Variants in STXBP5 observed in about 807,000 individuals in gnomAD.
STXBP5 encodes syntaxin-binding protein 5.
A neutral mutation model predicts 152.4 loss-of-function variants in STXBP5; 50 were observed. The ratio of observed to expected loss-of-function variants is 0.33; its 90% CI spans 0.26 to 0.42. The LOEUF is 0.42. STXBP5 is among the 10% of genes least tolerant of loss of function. The pLI is 1.00. For missense variants in STXBP5, 1,167 were observed against 1,388.6 expected (o/e 0.84, Z 2.54); for synonymous variants, 492 against 494.7 (o/e 0.99, Z 0.07).
intron 26 of STXBP5, among the ~76,000 whole-genome samples, chr6:147,378,815 T>C (rs1181354381): frequency 6.6e-6 from 1 of 152,190 alleles, no homozygotes; most frequent in African/African-American, 2.4e-5. Flanking sequence ...TAAATTACTA[T>C]TTGTGTAGTT....
At chr6:147,328,496 G>T (rs1465131194) in intron 18 of STXBP5, among the ~76,000 whole-genome samples, 1 of 152,152 alleles carries the variant, frequency 6.6e-6, no homozygotes. Context: ...TACAATTCAT[G>T]GGGGGTAGAA....
chr6:147,352,853 C>A (rs1436147085), intron 21 of STXBP5, among the ~76,000 whole-genome samples: 2 of 152,096 alleles, frequency 1.3e-5, no homozygotes, highest in Non-Finnish European at 2.9e-5. Flanking sequence ...AAAGATATTA[C>A]ATCAAGTAAG....
At chr6:147,302,916 A>C (rs1469951100) in intron 9 of STXBP5, among the ~76,000 whole-genome samples, 2 of 152,126 alleles carry the variant, frequency 1.3e-5, no homozygotes, top group African/African-American at 2.4e-5. Flanking sequence ...TATAGGAGTG[A>C]GTATGCTTTC....
chr6:147,364,046 T>C lies in STXBP5; in HGVS notation c.2961T>C (p.Leu987=). The C allele has an allele frequency of 6.2e-7, 1 of 1,614,048 alleles. No homozygotes were observed. Among genetic ancestry groups the C allele is most frequent in the Non-Finnish European group, 8.5e-7 (1 of 1,179,984 alleles). Reference sequence around the variant, plus strand: ...TGTTGGATGTGTATTACTTGCCCCTTACCAATATGCGGATAGCCAGAACGT... The same window carrying C: ...TGTTGGATGTGTATTACTTGCCCCTCACCAATATGCGGATAGCCAGAACGT... ...RPLLDVYYLP[L]TNMRIARTFC... Residue 987 remains leucine, a synonymous_variant, in exon 25 of 28, where the codon CTT becomes CTC. Coordinates refer to ENST00000321680, the MANE Select transcript of STXBP5 (RefSeq NM_001127715.4).
intron 8 of STXBP5, 62 bp downstream of exon 8, chr6:147,278,266 AG>A (rs1780540865): frequency 7.0e-7 from 1 of 1,424,172 alleles, no homozygotes; most frequent in African/African-American, 1.4e-5. Flanking sequence ...GTTTTGTTTG[AG>A]TTTGCATTCT....
intron 15 of STXBP5, 91 bp from the exon 16 acceptor site, chr6:147,316,138 T>G (rs1359284453): frequency 3.0e-5 from 37 of 1,233,258 alleles, no homozygotes; most frequent in Non-Finnish European, 4.2e-5. Flanking sequence ...CCACTGAAGT[T>G]TATGTAAAGT....
At chr6:147,272,006 T>C (rs1478894551) in intron 7 of STXBP5, among the ~76,000 whole-genome samples, 1 of 152,088 alleles carries the variant, frequency 6.6e-6, no homozygotes, top group Admixed American at 6.5e-5. Flanking sequence ...AATCCAGCAA[T>C]TTAGATGAAA....
At position 147,347,783 on chromosome 6, in the gene STXBP5, GTTCC is replaced by G. The variant is rs1784403568; in HGVS notation, c.2255-5537_2255-5534del. On this transcript the variant is annotated intron_variant, in intron 21 of 27. Transcript: ENST00000321680. ...ATAAAAAAAAGTTTGAAATATAGTA[GTTCC>G]TTTAGCTTCACTTTAGTTAGATGTA... is the stretch of plus-strand genomic sequence containing the variant. 2.0e-5 allele frequency among the ~76,000 whole-genome samples: 3 copies of G among 152,224 alleles called. No homozygotes were observed. In the South Asian group the frequency reaches 6.2e-4, roughly 32 times the overall value.
intron 4 of STXBP5, among the ~76,000 whole-genome samples, chr6:147,244,302 G>A (rs148104176): frequency 3.7e-4 from 56 of 152,258 alleles, no homozygotes; most frequent in African/African-American, 1.3e-3. Flanking sequence ...CTTGATTACT[G>A]TAGTTTTGTA....
chr6:147,230,172 A>G (rs1188752779), intron 2 of STXBP5, among the ~76,000 whole-genome samples: 1 of 151,830 alleles, frequency 6.6e-6, no homozygotes, highest in African/African-American at 2.4e-5. Context: ...ATACTTTTTA[A>G]AGATGATTGT....
At chr6:147,301,832 G>C (rs1781835168) in intron 9 of STXBP5, among the ~76,000 whole-genome samples, 1 of 152,128 alleles carries the variant, frequency 6.6e-6, no homozygotes. Flanking sequence ...GAGCAATCAA[G>C]CCAGCTCACA....
chr6:147,326,501 C>A (rs138262402), intron 17 of STXBP5, among the ~76,000 whole-genome samples: 163 of 152,310 alleles, frequency 1.1e-3, no homozygotes, highest in Middle Eastern at 3.4e-3. Flanking sequence ...GCCATACAAT[C>A]TTAAGTAACC....
intron 7 of STXBP5, among the ~76,000 whole-genome samples, chr6:147,267,933 T>C (rs550265244): frequency 1.3e-5 from 2 of 152,310 alleles, no homozygotes; most frequent in South Asian, 2.1e-4. Flanking sequence ...TCTCTACTTA[T>C]TATGTAGGTC....
intron 9 of STXBP5, among the ~76,000 whole-genome samples, chr6:147,300,860 AAG>A (rs1456275758): frequency 6.6e-6 from 1 of 152,134 alleles, no homozygotes; most frequent in Non-Finnish European, 1.5e-5. Context: ...CAACCAAGTG[AAG>A]AGACAGTCTA....
chr6:147,247,575 G>A (rs1003969291), intron 4 of STXBP5, among the ~76,000 whole-genome samples: 3 of 152,120 alleles, frequency 2.0e-5, no homozygotes, highest in African/African-American at 7.2e-5. Flanking sequence ...TTAAAGAAAG[G>A]ATGTTCAGGC....
At chr6:147,327,000 G>T in intron 17 of STXBP5, 125 bp from the exon 18 acceptor site, 1 of 785,626 alleles carries the variant, frequency 1.3e-6, no homozygotes, top group Non-Finnish European at 2.0e-6. Context: ...TCCTATAGTT[G>T]TCTTTTGTTT....
chr6:147,272,851 CT>C (rs1265261242), intron 7 of STXBP5, among the ~76,000 whole-genome samples: 1 of 152,044 alleles, frequency 6.6e-6, no homozygotes, highest in Non-Finnish European at 1.5e-5. Flanking sequence ...CACCCTTGAG[CT>C]TTTGTTGCTT....
intron 2 of STXBP5, among the ~76,000 whole-genome samples, chr6:147,230,831 T>C (rs1482117565): frequency 6.6e-6 from 1 of 151,894 alleles, no homozygotes; most frequent in Admixed American, 6.6e-5. Flanking sequence ...GTTTCCTTAT[T>C]TGTAAAAACA....
intron 19 of STXBP5, among the ~76,000 whole-genome samples, chr6:147,334,741 A>G (rs1783745142): frequency 6.6e-6 from 1 of 152,100 alleles, no homozygotes; most frequent in African/African-American, 2.4e-5. Flanking sequence ...TTAACATTTC[A>G]AAAGAATATT....
Sources: gnomAD v4.1 joint callset for allele counts (sites outside exome capture counted in the v4.1 genomes callset) on GRCh38, gnomAD v4.1.1 for gene constraint, MANE v1.5 for transcripts, NCBI Gene and HGNC (gene_info 2026-07-23, HGNC 2026-07-21) for gene names.